Variants in PLXDC2 observed in about 807,000 individuals in gnomAD.
The protein encoded by PLXDC2 is plexin domain containing 2.
A neutral mutation model predicts 68.9 loss-of-function variants in PLXDC2; 40 were observed. That is an observed-to-expected ratio of 0.58 (90% CI 0.45 to 0.76). PLXDC2 has a LOEUF of 0.76. Ranked by LOEUF, PLXDC2 falls within the 30% of genes least tolerant of loss-of-function variation. PLXDC2 has a pLI of 0.00. For missense variants in PLXDC2, 644 were observed against 661.9 expected, an observed-to-expected ratio of 0.97 and a Z score of 0.30; for synonymous variants, 243 against 234.2, an observed-to-expected ratio of 1.04 and a Z score of -0.34.
chr10:19,850,564 T>C (rs1837096852), intron 1 of PLXDC2, among the ~76,000 whole-genome samples: 1 of 152,182 alleles, frequency 6.6e-6, no homozygotes, highest in Non-Finnish European at 1.5e-5. Context: ...GAGACCCAAC[T>C]AATCGTCTAA....
chr10:20,036,372 G>A (rs1415327486), intron 2 of PLXDC2, among the ~76,000 whole-genome samples: 16 of 152,130 alleles, frequency 1.1e-4, no homozygotes, highest in Admixed American at 1.0e-3. Flanking sequence ...CAAGCCAGGA[G>A]GAGAGCCCTC....
chr10:20,026,311 C>T (rs1346394063), intron 2 of PLXDC2, among the ~76,000 whole-genome samples: 1 of 151,870 alleles, frequency 6.6e-6, no homozygotes, highest in Non-Finnish European at 1.5e-5. Context: ...TAGTGAATGA[C>T]ATTTAATCTA....
rs1182896495 is a variant in PLXDC2 at position 20,285,952 on chromosome 10, G to A, written c.*6133G>A. Reference sequence around the variant, plus strand: ...AGTTGATCTAGCCTCAACTTAAATTGTAATACATCTGCCTAATTATTGTCT... The same window carrying A: ...AGTTGATCTAGCCTCAACTTAAATTATAATACATCTGCCTAATTATTGTCT... On this transcript the variant is annotated 3_prime_UTR_variant, in exon 14 of 14. Coordinates refer to ENST00000377252, the MANE Select transcript of PLXDC2 (RefSeq NM_032812.9). The A allele has an allele frequency of 6.6e-6, 1 of 152,124 alleles. No homozygotes were observed. The allele number at this position is 152,124 out of a possible 1,614,324, so 9.4% of individuals were successfully genotyped here. A position where few individuals can be genotyped will look rare whatever the true frequency, so the allele number is the denominator to read the frequency against.
intron 1 of PLXDC2, among the ~76,000 whole-genome samples, chr10:19,838,104 G>A (rs954301326): frequency 3.3e-5 from 5 of 152,012 alleles, no homozygotes; most frequent in African/African-American, 4.8e-5. Context: ...GGCTCAAACC[G>A]TCTTTCCACC....
chr10:20,096,107 G>A (rs535975860), intron 4 of PLXDC2, among the ~76,000 whole-genome samples: 7 of 152,160 alleles, frequency 4.6e-5, no homozygotes, highest in South Asian at 2.1e-4. Flanking sequence ...GAATACTTCC[G>A]GAATGCTGAT....
chr10:20,111,131 T>A (rs1308881830), intron 4 of PLXDC2, among the ~76,000 whole-genome samples: 1 of 152,222 alleles, frequency 6.6e-6, no homozygotes, highest in Non-Finnish European at 1.5e-5. Flanking sequence ...GGGGTTATGA[T>A]GACAGATACG....
chr10:19,973,614 G>A (rs1834398664), intron 1 of PLXDC2, among the ~76,000 whole-genome samples: 1 of 152,072 alleles, frequency 6.6e-6, no homozygotes, highest in South Asian at 2.1e-4. Context: ...TACGTTTTAG[G>A]TTTACCTTTA....
chr10:19,864,138 C>T (rs910659455), intron 1 of PLXDC2, among the ~76,000 whole-genome samples: 1 of 152,136 alleles, frequency 6.6e-6, no homozygotes, highest in Non-Finnish European at 1.5e-5. Context: ...GTAGCTGGCA[C>T]TACAGGCAGG....
At chr10:19,944,208 A>G (rs1451095179) in intron 1 of PLXDC2, among the ~76,000 whole-genome samples, 2 of 152,190 alleles carry the variant, frequency 1.3e-5, no homozygotes, top group Non-Finnish European at 1.5e-5. Flanking sequence ...AGTGAAAGGT[A>G]TAATCCCACT....
At chr10:20,230,707 A>AAAAAAAAAAAAAAAAAAAAAC (rs1564361132) in intron 12 of PLXDC2, among the ~76,000 whole-genome samples, 1 of 149,408 alleles carries the variant, frequency 6.7e-6, no homozygotes. Flanking sequence ...AAAAAAAAAA[A>AAAAAAAAAAAAAAAAAAAAAC]AAAAAAACAG....
chr10:19,999,667 G>A (rs1455270920), intron 1 of PLXDC2, among the ~76,000 whole-genome samples: 2 of 152,096 alleles, frequency 1.3e-5, no homozygotes, highest in Non-Finnish European at 2.9e-5. Context: ...GGAAAATGCA[G>A]GTATCTGACA....
chr10:20,183,450 GA>G, intron 9 of PLXDC2, among the ~76,000 whole-genome samples: 1 of 152,040 alleles, frequency 6.6e-6, no homozygotes, highest in East Asian at 1.9e-4. Context: ...CCTCTGAAAA[GA>G]TGTGAGAAAC....
chr10:20,155,709 A>C (rs1834207769), intron 6 of PLXDC2, among the ~76,000 whole-genome samples: 1 of 152,130 alleles, frequency 6.6e-6, no homozygotes, highest in East Asian at 1.9e-4. Flanking sequence ...TCACATATAG[A>C]AGTGCCTGAC....
At chr10:20,252,893 T>G (rs1047760516) in intron 13 of PLXDC2, among the ~76,000 whole-genome samples, 6 of 152,326 alleles carry the variant, frequency 3.9e-5, no homozygotes, top group Admixed American at 3.9e-4. Flanking sequence ...CAATGTTACC[T>G]TTTTTGATCG....
chr10:19,835,592 C>T (rs903112037), intron 1 of PLXDC2, among the ~76,000 whole-genome samples: 1 of 151,990 alleles, frequency 6.6e-6, no homozygotes, highest in Non-Finnish European at 1.5e-5. Context: ...TGGGAACCAG[C>T]CAGTGAGCAG....
At chr10:19,934,259 A>G (rs1177924658) in intron 1 of PLXDC2, among the ~76,000 whole-genome samples, 3 of 152,238 alleles carry the variant, frequency 2.0e-5, no homozygotes, top group Non-Finnish European at 2.9e-5. Context: ...AATCTTCCAT[A>G]ATGCTCATGA....
chr10:19,980,640 A>T (rs561372893), intron 1 of PLXDC2, among the ~76,000 whole-genome samples: 1 of 152,248 alleles, frequency 6.6e-6, no homozygotes, highest in Non-Finnish European at 1.5e-5. Flanking sequence ...GTATACACAC[A>T]TACGTATAAG....
intron 1 of PLXDC2, among the ~76,000 whole-genome samples, chr10:19,951,066 C>A (rs1334873118): frequency 6.6e-6 from 1 of 152,114 alleles, no homozygotes; most frequent in Non-Finnish European, 1.5e-5. Context: ...CTAGGAAACA[C>A]CATTCTGGAC....
rs78343533 is a variant in PLXDC2, at chr10:20,223,793, C to T, written c.1312+4691C>T. 3.7e-3 allele frequency among the ~76,000 whole-genome samples: 558 copies of T among 152,188 alleles called. 4 individuals are homozygous for T. Among genetic ancestry groups the T allele is most frequent in the African/African-American group, 0.013 (540 of 41,538 alleles). On this transcript the variant is annotated intron_variant, in intron 12 of 13. Coordinates refer to ENST00000377252, the MANE Select transcript of PLXDC2 (RefSeq NM_032812.9). Reference sequence around the variant, plus strand: ...TTAATCCTTTCTGTGAAAATCACAACGCATTAATTCTCTTGTGTGTTTCAG... The same window carrying T: ...TTAATCCTTTCTGTGAAAATCACAATGCATTAATTCTCTTGTGTGTTTCAG...
Sources: allele counts gnomAD v4.1 joint callset (sites outside exome capture counted in the v4.1 genomes callset), GRCh38; gene constraint gnomAD v4.1.1; transcripts MANE v1.5; gene names NCBI Gene and HGNC (gene_info 2026-07-23, HGNC 2026-07-21).